Variants in CADPS2 observed in about 807,000 individuals in gnomAD.
CADPS2 encodes the protein calcium dependent secretion activator 2.
A neutral mutation model predicts 172.5 loss-of-function variants in CADPS2; 93 were observed. The observed-to-expected ratio is 0.54, with a 90% CI of 0.46 to 0.64. The LOEUF is 0.64. Ranked by LOEUF, CADPS2 falls within the 30% of genes least tolerant of loss-of-function variation. The pLI is 0.00. For missense variants in CADPS2, 1,420 were observed against 1,565.9 expected, an observed-to-expected ratio of 0.91 and a Z score of 1.57; for synonymous variants, 546 against 555.2, an observed-to-expected ratio of 0.98 and a Z score of 0.23.
chr7:122,435,165 GACAAAACATC>G (rs2050470620), intron 17 of CADPS2, among the ~76,000 whole-genome samples: 1 of 152,038 alleles, frequency 6.6e-6, no homozygotes, highest in South Asian at 2.1e-4. Flanking sequence ...ATTCATCAAT[GACAAAACATC>G]ACACTACCAA....
chr7:122,753,060 A>G (rs2093015730), intron 1 of CADPS2, among the ~76,000 whole-genome samples: 1 of 152,202 alleles, frequency 6.6e-6, no homozygotes, highest in Non-Finnish European at 1.5e-5. Flanking sequence ...AGTAGATCAA[A>G]GTTATTCAAT....
intron 8 of CADPS2, 64 bp downstream of exon 8, chr7:122,554,486 C>CA: frequency 1.4e-6 from 2 of 1,480,702 alleles, no homozygotes; most frequent in East Asian, 2.4e-5. Flanking sequence ...ACTAAACTGA[C>CA]AAAAATAATA....
intron 1 of CADPS2, among the ~76,000 whole-genome samples, chr7:122,881,879 A>G (rs541317513): frequency 6.6e-6 from 1 of 152,184 alleles, no homozygotes; most frequent in Non-Finnish European, 1.5e-5. Context: ...TTCCCACAGA[A>G]AAGTAAAAGA....
At chr7:122,432,270 A>T (rs1353766960) in intron 17 of CADPS2, among the ~76,000 whole-genome samples, 1 of 152,156 alleles carries the variant, frequency 6.6e-6, no homozygotes, top group African/African-American at 2.4e-5. Flanking sequence ...TTTTTTCAGA[A>T]GTCTCAGTGA....
intron 3 of CADPS2, among the ~76,000 whole-genome samples, chr7:122,654,564 T>A (rs1262115463): frequency 6.6e-6 from 1 of 152,222 alleles, no homozygotes. Flanking sequence ...ACAGCACATA[T>A]GTTTCCAGCA....
chr7:122,628,256 C>T (rs2076264069), intron 4 of CADPS2, among the ~76,000 whole-genome samples: 1 of 151,970 alleles, frequency 6.6e-6, no homozygotes, highest in Non-Finnish European at 1.5e-5. Context: ...TTAATATTTA[C>T]AAATACACAT....
Position 122,701,677 on chromosome 7 carries a change from T to A in CADPS2, c.453+35278A>T, listed in dbSNP as rs2086121573. On this transcript the variant is annotated intron_variant, in intron 2 of 29. Coordinates refer to ENST00000449022, the MANE Select transcript of CADPS2 (RefSeq NM_017954.11). ...AAGAAGTTCAAATAGCTGGGCATGA[T>A]AAGGAGTTTTATTTTTAAAACACAA... is the stretch of plus-strand genomic sequence containing the variant. 1.1e-5 allele frequency: 5 copies of A among 467,390 alleles called. No homozygotes were observed. In the Admixed American group the frequency reaches 1.5e-4, roughly 14 times the overall value. The allele number at this position is 467,390 out of a possible 1,614,324, so 29.0% of individuals were successfully genotyped here.
chr7:122,505,686 G>C (rs1035711705), intron 9 of CADPS2, among the ~76,000 whole-genome samples: 1 of 152,138 alleles, frequency 6.6e-6, no homozygotes, highest in Non-Finnish European at 1.5e-5. Flanking sequence ...GGAAATGTGA[G>C]CCATGAGACA....
chr7:122,812,000 T>A (rs1440281773), intron 1 of CADPS2, among the ~76,000 whole-genome samples: 1 of 152,056 alleles, frequency 6.6e-6, no homozygotes, highest in African/African-American at 2.4e-5. Context: ...TTCTCAGTCC[T>A]CAGTTAATCT....
At chr7:122,532,849 A>T (rs1052101272) in intron 8 of CADPS2, among the ~76,000 whole-genome samples, 1 of 152,158 alleles carries the variant, frequency 6.6e-6, no homozygotes, top group Non-Finnish European at 1.5e-5. Flanking sequence ...TTTGCTTTTT[A>T]AATTTGATCA....
intron 1 of CADPS2, among the ~76,000 whole-genome samples, chr7:122,879,593 A>C (rs1190053643): frequency 6.6e-6 from 1 of 152,128 alleles, no homozygotes; most frequent in Non-Finnish European, 1.5e-5. Context: ...GGAAAAGGAC[A>C]CTAGCTTACA....
At chr7:122,709,373 G>C (rs1209074597) in intron 2 of CADPS2, among the ~76,000 whole-genome samples, 1 of 152,098 alleles carries the variant, frequency 6.6e-6, no homozygotes, top group African/African-American at 2.4e-5. Context: ...TCTTACACCA[G>C]TTAGAATGGC....
rs750379274 is a variant in CADPS2, at chr7:122,493,648, AC to A, written c.1543-2229del. On this transcript the variant is annotated intron_variant, in intron 9 of 29. Transcript: ENST00000449022. Reference sequence around the variant, plus strand: ...TGGCAACAGGTTCTATGATATACTTACGTTTTACGTACATCACAGTACATAG... The same window carrying A: ...TGGCAACAGGTTCTATGATATACTTAGTTTTACGTACATCACAGTACATAG... Among the ~76,000 whole-genome samples the A allele has an allele frequency of 3.3e-5, 5 of 151,854 alleles. No homozygotes were observed. The East Asian group carries it at 7.7e-4, about 23-fold the overall frequency.
At chr7:122,447,943 T>C (rs139221876) in intron 15 of CADPS2, among the ~76,000 whole-genome samples, 209 of 152,218 alleles carry the variant, frequency 1.4e-3, no homozygotes, top group African/African-American at 4.3e-3. Context: ...ACATTTTTTT[T>C]AGTGCATGTC....
At chr7:122,338,913 A>G (rs1186458398) in intron 28 of CADPS2, 1 of 150,938 alleles carries the variant, frequency 6.6e-6, no homozygotes, top group Non-Finnish European at 1.5e-5. Flanking sequence ...GGAACATACT[A>G]TCATGCTAGG....
Position 122,645,526 on chromosome 7 carries a change from AAG to A in CADPS2, c.787-16200_787-16199del, listed in dbSNP as rs371477561. 1.4e-3 allele frequency among the ~76,000 whole-genome samples: 41 copies of A among 29,058 alleles called. 1 individual carries two copies. The highest frequency in any genetic ancestry group is 1.9e-3 in the South Asian group (1 of 518). 19.1% of individuals were successfully genotyped at this position (29,058 alleles called of 152,430 possible). ...AGTATATATATACTTATATATATAT[AAG>A]TATATATATATACTTATATATATAC... On this transcript the variant is annotated intron_variant, in intron 3 of 29. Coordinates refer to ENST00000449022, the MANE Select transcript of CADPS2 (RefSeq NM_017954.11).
chr7:122,709,903 G>A (rs1017868579), intron 2 of CADPS2, among the ~76,000 whole-genome samples: 2 of 151,976 alleles, frequency 1.3e-5, no homozygotes, highest in African/African-American at 4.8e-5. Flanking sequence ...TCTGGGGACT[G>A]TTGTGGGGTT....
At chr7:122,670,917 A>G (rs2081768410) in intron 2 of CADPS2, among the ~76,000 whole-genome samples, 1 of 151,420 alleles carries the variant, frequency 6.6e-6, no homozygotes. Context: ...CCTCATCACA[A>G]GTTATTCTTC....
chr7:122,357,024 T>C (rs1256040472), intron 27 of CADPS2, among the ~76,000 whole-genome samples: 1 of 152,156 alleles, frequency 6.6e-6, no homozygotes, highest in East Asian at 1.9e-4. Context: ...AGCAAGAAAA[T>C]GTATGTGAGC....
Sources: gnomAD v4.1 joint callset for allele counts (sites outside exome capture counted in the v4.1 genomes callset) on GRCh38, gnomAD v4.1.1 for gene constraint, MANE v1.5 for transcripts, NCBI Gene and HGNC (gene_info 2026-07-23, HGNC 2026-07-21) for gene names.